Variants in NOCT observed in about 807,000 individuals in gnomAD.
NOCT encodes the protein nocturnin, also known as CCR4 carbon catabolite repression 4-like.
NOCT carries 18 observed loss-of-function variants against 35.0 expected under a neutral mutation model. That is an observed-to-expected ratio of 0.51 (90% CI 0.36 to 0.76). NOCT has a LOEUF of 0.76. Ranked by LOEUF, NOCT falls within the 30% of genes least tolerant of loss-of-function variation. The pLI is 0.01. For missense variants in NOCT, 479 were observed against 541.0 expected (o/e 0.89, Z 1.14); for synonymous variants, 235 against 226.3 (o/e 1.04, Z -0.34).
chr4:139,033,296 C>T (rs561258949), intron 1 of NOCT, among the ~76,000 whole-genome samples: 31 of 151,208 alleles, frequency 2.1e-4, no homozygotes, highest in Admixed American at 1.6e-3. Flanking sequence ...CCCGGGGGGG[C>T]GGAGGTTGCA....
chr4:139,045,655 A>G lies in NOCT; in HGVS notation c.*181A>G, dbSNP rs112018412. On this transcript the variant is annotated 3_prime_UTR_variant, in exon 3 of 3. Transcript: ENST00000280614. Reference sequence around the variant, plus strand: ...CCTCAGCCTCCAGAGCAACTGGGACAACAGGCGCCCGTCACCACGCCCAGC... The same window carrying G: ...CCTCAGCCTCCAGAGCAACTGGGACGACAGGCGCCCGTCACCACGCCCAGC... The G allele has an allele frequency of 2.4e-4, 117 of 485,980 alleles. No homozygotes were observed. Among genetic ancestry groups the G allele is most frequent in the Non-Finnish European group, 2.1e-4 (59 of 279,050 alleles). 30.1% of individuals were successfully genotyped at this position (485,980 alleles called of 1,614,324 possible).
chr4:139,045,225 G>A lies in NOCT; in HGVS notation c.1047G>A (p.Lys349=). Residue 349 remains lysine (K), a synonymous_variant, in exon 3 of 3, where the codon AAG becomes AAA. Coordinates refer to ENST00000280614, the MANE Select transcript of NOCT (RefSeq NM_012118.4). Reference sequence around the variant, plus strand: ...GCCTCAACCTGAACAGCGCCTACAAGCTGCTGAGTGCTGATGGGCAGTCAG... The same window carrying A: ...GCCTCAACCTGAACAGCGCCTACAAACTGCTGAGTGCTGATGGGCAGTCAG... ...SSSLNLNSAY[K]LLSADGQSEP... The A allele has an allele frequency of 1.2e-6, 2 of 1,614,190 alleles. No individual in the cohort carries two copies. The highest frequency in any genetic ancestry group is 1.7e-6 in the Non-Finnish European group (2 of 1,180,046).
At position 139,016,004 on chromosome 4, in the gene NOCT, T is replaced by C; in HGVS notation, c.23T>C (p.Leu8Pro). Residue 8 changes from leucine to proline, a missense_variant, in exon 1 of 3, where the codon CTC becomes CCC. By Grantham distance (98) the Leu-to-Pro change is moderately conservative. Coordinates refer to ENST00000280614, the MANE Select transcript of NOCT (RefSeq NM_012118.4). ...GGCATGTTTCATAGTCCGCGGCGGC[T>C]CTGCTCGGCCCTGCTGCAGAGGGAC... MFHSPRR[L>P]CSALLQRDAP... The C allele has an allele frequency of 7.2e-7, 1 of 1,391,144 alleles. No homozygotes were observed. The allele number at this position is 1,391,144 out of a possible 1,614,324, so 86.2% of individuals were successfully genotyped here. A position where few individuals can be genotyped will look rare whatever the true frequency, so the allele number is the denominator to read the frequency against.
chr4:139,023,640 G>A (rs1050492898), intron 1 of NOCT, among the ~76,000 whole-genome samples: 2 of 152,032 alleles, frequency 1.3e-5, no homozygotes, highest in African/African-American at 4.8e-5. Flanking sequence ...GGGATTACAG[G>A]CCCCTGCCAC....
At chr4:139,040,676 G>GCT (rs1327732455) in intron 1 of NOCT, among the ~76,000 whole-genome samples, 1 of 152,094 alleles carries the variant, frequency 6.6e-6, no homozygotes, top group Non-Finnish European at 1.5e-5. Context: ...TTGAAACTGA[G>GCT]CTCTACATCA....
intron 1 of NOCT, among the ~76,000 whole-genome samples, chr4:139,040,662 C>T: frequency 6.6e-6 from 1 of 152,136 alleles, no homozygotes; most frequent in Non-Finnish European, 1.5e-5. Context: ...GTAGGGCAGT[C>T]CTATTGAAAC....
intron 1 of NOCT, among the ~76,000 whole-genome samples, chr4:139,023,082 C>T (rs1726444166): frequency 6.6e-6 from 1 of 150,872 alleles, no homozygotes; most frequent in Non-Finnish European, 1.5e-5. Flanking sequence ...GCCTGGGCAA[C>T]ACAGCAAGAC....
rs1304041552 is a variant in NOCT, at chr4:139,045,661, CG to C, written c.*188del. The C allele has an allele frequency of 2.1e-6, 1 of 476,096 alleles. No individual in the cohort carries two copies. Among genetic ancestry groups the C allele is most frequent in the Non-Finnish European group, 3.7e-6 (1 of 272,634 alleles). 29.5% of individuals were successfully genotyped at this position (476,096 alleles called of 1,614,324 possible). A position where few individuals can be genotyped will look rare whatever the true frequency, so the allele number is the denominator to read the frequency against. Reference sequence around the variant, plus strand: ...CCTCCAGAGCAACTGGGACAACAGGCGCCCGTCACCACGCCCAGCTAATTTT... The same window carrying C: ...CCTCCAGAGCAACTGGGACAACAGGCCCCGTCACCACGCCCAGCTAATTTT... On this transcript the variant is annotated 3_prime_UTR_variant, in exon 3 of 3. Transcript: ENST00000280614.
chr4:139,036,521 C>T (rs1395152559), intron 1 of NOCT, among the ~76,000 whole-genome samples: 1 of 152,184 alleles, frequency 6.6e-6, no homozygotes, highest in African/African-American at 2.4e-5. Context: ...AGCTTCATAT[C>T]TAAATCCTAT....
In NOCT at chr4:139,043,127, C is replaced by T. The variant is rs762697983; in HGVS notation, c.244C>T (p.Leu82=). 1.2e-6 allele frequency: 2 copies of T among 1,613,938 alleles called. No individual in the cohort carries two copies. Among genetic ancestry groups the T allele is most frequent in the Non-Finnish European group, 8.5e-7 (1 of 1,179,890 alleles). The change falls in exon 2 of 3, where the codon CTG becomes TTG. Residue 82 remains leucine (L), a synonymous_variant. Transcript: ENST00000280614. ...ACTCTATAGTGCTCTCGCCAAGACACTGAACAGCAGCGCTGCCTCCCAGCA... is the reference window on the plus strand; with the variant it reads ...ACTCTATAGTGCTCTCGCCAAGACATTGAACAGCAGCGCTGCCTCCCAGCA... The part of the protein sequence containing the change: ...SRLYSALAKT[L]NSSAASQHPE...
intron 1 of NOCT, among the ~76,000 whole-genome samples, chr4:139,042,482 G>T (rs1726850008): frequency 6.6e-6 from 1 of 152,072 alleles, no homozygotes; most frequent in African/African-American, 2.4e-5. Flanking sequence ...GTTAGAAGAG[G>T]CCATCAAGAT....
chr4:139,020,281 C>T (rs1279932423), intron 1 of NOCT, among the ~76,000 whole-genome samples: 1 of 152,144 alleles, frequency 6.6e-6, no homozygotes, highest in Non-Finnish European at 1.5e-5. Flanking sequence ...CAATTGATAG[C>T]AATTTATCCA....
At chr4:139,018,907 T>C (rs1441437835) in intron 1 of NOCT, among the ~76,000 whole-genome samples, 3 of 152,210 alleles carry the variant, frequency 2.0e-5, no homozygotes, top group Admixed American at 2.0e-4. Context: ...CTATAAAGCG[T>C]TTTGTTTGGA....
At chr4:139,021,488 C>T (rs530935460) in intron 1 of NOCT, among the ~76,000 whole-genome samples, 92 of 151,508 alleles carry the variant, frequency 6.1e-4, no homozygotes, top group African/African-American at 2.0e-3. Context: ...CGTGGTGGCA[C>T]GCACCTGTAA....
chr4:139,025,064 A>G (rs1726486890), intron 1 of NOCT, among the ~76,000 whole-genome samples: 1 of 152,026 alleles, frequency 6.6e-6, no homozygotes, highest in African/African-American at 2.4e-5. Context: ...GCTTTTTAAA[A>G]CCATCCTTGA....
chr4:139,030,596 A>C (rs1346469533), intron 1 of NOCT, among the ~76,000 whole-genome samples: 3 of 152,208 alleles, frequency 2.0e-5, no homozygotes, highest in Non-Finnish European at 4.4e-5. Context: ...CCATAGAGCT[A>C]AGCCTGGTTG....
rs116308768 is a variant in NOCT at position 139,023,341 on chromosome 4, C to G, written c.190+7170C>G. ...TGCAAAGTAAGTTACACTGCAGATT[C>G]TAATAATACCTGGGATATAATACTT... On this transcript the variant is annotated intron_variant, in intron 1 of 2. Coordinates refer to ENST00000280614, the MANE Select transcript of NOCT (RefSeq NM_012118.4). Among the ~76,000 whole-genome samples the G allele has an allele frequency of 4.9e-3, 753 of 152,252 alleles. 7 individuals carry two copies. The highest frequency in any genetic ancestry group is 0.017 in the African/African-American group (717 of 41,536).
chr4:139,025,023 CT>C (rs1726486243), intron 1 of NOCT, among the ~76,000 whole-genome samples: 1 of 152,116 alleles, frequency 6.6e-6, no homozygotes, highest in African/African-American at 2.4e-5. Flanking sequence ...GGAGGGTTTC[CT>C]TCTATATTCT....
At chr4:139,017,428 A>G (rs1471619785) in intron 1 of NOCT, among the ~76,000 whole-genome samples, 3 of 151,264 alleles carry the variant, frequency 2.0e-5, no homozygotes, top group African/African-American at 4.8e-5. Context: ...GGGTTTCTCC[A>G]TGTTGGTCAG....
Sources: gnomAD v4.1 joint callset for allele counts (sites outside exome capture counted in the v4.1 genomes callset) on GRCh38, gnomAD v4.1.1 for gene constraint, MANE v1.5 for transcripts, NCBI Gene and HGNC (gene_info 2026-07-23, HGNC 2026-07-21) for gene names.